Variants in GNAQ observed in about 807,000 individuals in gnomAD.
GNAQ encodes the protein guanine nucleotide-binding protein G(q) subunit alpha.
A neutral mutation model predicts 43.9 loss-of-function variants in GNAQ; 8 were observed. That is an observed-to-expected ratio of 0.18 (90% CI 0.11 to 0.33). The LOEUF (loss-of-function observed/expected upper bound fraction) is 0.33, where lower values mean the gene tolerates loss of function less well. GNAQ is among the 10% of genes least tolerant of loss of function. The probability of loss-of-function intolerance (pLI) is 1.00; values close to 1 mark genes in which losing one functional copy is unlikely to be tolerated. For synonymous variants in GNAQ, 155 were observed against 170.7 expected (o/e 0.91, Z 0.71); for missense variants, 158 against 450.8 (o/e 0.35, Z 5.88).
chr9:77,831,567 C>T (rs1285460543), intron 2 of GNAQ, among the ~76,000 whole-genome samples: 1 of 152,200 alleles, frequency 6.6e-6, no homozygotes, highest in African/African-American at 2.4e-5. Flanking sequence ...AACTACTAGA[C>T]AGCATTCTGA....
chr9:77,879,183 T>C (rs1216347003), intron 2 of GNAQ, among the ~76,000 whole-genome samples: 1 of 152,234 alleles, frequency 6.6e-6, no homozygotes, highest in Non-Finnish European at 1.5e-5. Flanking sequence ...GTTTTAATTG[T>C]AATTTTTTAA....
intron 2 of GNAQ, among the ~76,000 whole-genome samples, chr9:77,909,643 T>C (rs1222218343): frequency 6.6e-6 from 1 of 151,996 alleles, no homozygotes; most frequent in Non-Finnish European, 1.5e-5. Flanking sequence ...ATGCCAGTCC[T>C]TTCAGTTACA....
At chr9:77,830,726 A>G (rs1346672342) in intron 2 of GNAQ, among the ~76,000 whole-genome samples, 2 of 152,314 alleles carry the variant, frequency 1.3e-5, no homozygotes, top group South Asian at 2.1e-4. Context: ...TGAGTGTGAA[A>G]GCAACTGCTA....
At chr9:77,862,421 C>T (rs549183731) in intron 2 of GNAQ, among the ~76,000 whole-genome samples, 21 of 152,186 alleles carry the variant, frequency 1.4e-4, no homozygotes, top group South Asian at 8.3e-4. Flanking sequence ...TTCTTGACTT[C>T]TGTGCACATG....
chr9:77,928,613 A>G (rs538509284), intron 1 of GNAQ, among the ~76,000 whole-genome samples: 12 of 152,226 alleles, frequency 7.9e-5, no homozygotes, highest in Non-Finnish European at 1.6e-4. Context: ...TCAAAGGTAC[A>G]AGAGCATTTT....
At chr9:77,881,885 C>T (rs185355809) in intron 2 of GNAQ, among the ~76,000 whole-genome samples, 4 of 152,288 alleles carry the variant, frequency 2.6e-5, no homozygotes, top group Non-Finnish European at 2.9e-5. Flanking sequence ...CGCCTATAAT[C>T]CCAGTACTTT....
rs182614419 is a variant in GNAQ, at chr9:77,771,529, C to T, written c.735+22934G>A. ...TTAAGTATCACGTGCTCTGTGAGCA[C>T]AGGCGAAGACAAGGATGTCTGCAGC... On this transcript the variant is annotated intron_variant, in intron 5 of 6. Transcript: ENST00000286548. 8.8e-3 allele frequency among the ~76,000 whole-genome samples: 1,338 copies of T among 152,320 alleles called. 15 individuals carry two copies. Among genetic ancestry groups the T allele is most frequent in the Non-Finnish European group, 0.014 (946 of 68,026 alleles).
chr9:77,807,364 G>C (rs771912489), intron 3 of GNAQ, among the ~76,000 whole-genome samples: 22 of 152,122 alleles, frequency 1.4e-4, no homozygotes, highest in Non-Finnish European at 3.2e-4. Flanking sequence ...TGCTTCAATT[G>C]ATTGCTAAAT....
At chr9:78,000,928 A>G (rs1823635951) in intron 1 of GNAQ, among the ~76,000 whole-genome samples, 2 of 152,238 alleles carry the variant, frequency 1.3e-5, no homozygotes, top group African/African-American at 4.8e-5. Flanking sequence ...ACCAATCACA[A>G]TAAACACAAG....
chr9:77,933,675 C>T (rs1018483438), intron 1 of GNAQ, among the ~76,000 whole-genome samples: 1 of 151,290 alleles, frequency 6.6e-6, no homozygotes, highest in Non-Finnish European at 1.5e-5. Context: ...TACATGCACA[C>T]TTCTTTTAGA....
chr9:77,840,897 G>A (rs1827480387), intron 2 of GNAQ, among the ~76,000 whole-genome samples: 1 of 152,062 alleles, frequency 6.6e-6, no homozygotes, highest in Non-Finnish European at 1.5e-5. Context: ...GAGAGCACTG[G>A]AGAGAGATGA....
chr9:77,844,197 C>G (rs1331893105), intron 2 of GNAQ, among the ~76,000 whole-genome samples: 1 of 152,072 alleles, frequency 6.6e-6, no homozygotes, highest in Non-Finnish European at 1.5e-5. Flanking sequence ...TCCCTTTAAG[C>G]CTTCATCTAG....
Position 77,854,158 on chromosome 9 carries a change from G to C in GNAQ, c.322-38388C>G, listed in dbSNP as rs1039838504. The stretch of plus-strand genomic sequence containing the variant: ...AGTACATAATATAGAGGACTATGAA[G>C]TTTGCTTCTAGAAAAGTACTCTTTT... On this transcript the variant is annotated intron_variant, in intron 2 of 6. Transcript: ENST00000286548. Among the ~76,000 whole-genome samples, 51 of 152,084 alleles carry C rather than the reference G, an allele frequency of 3.4e-4. 1 individual carries two copies. The highest frequency in any genetic ancestry group is 8.8e-5 in the Non-Finnish European group (6 of 68,006).
At chr9:77,789,833 A>G (rs926510602) in intron 5 of GNAQ, among the ~76,000 whole-genome samples, 8 of 152,182 alleles carry the variant, frequency 5.3e-5, no homozygotes, top group Non-Finnish European at 1.2e-4. Context: ...CTGCTTCCCT[A>G]TACCCGGATC....
chr9:77,728,750 C>T (rs1260336323), intron 5 of GNAQ, 83 bp from the exon 6 acceptor site: 1 of 977,402 alleles, frequency 1.0e-6, no homozygotes, highest in African/African-American at 1.6e-5. Flanking sequence ...TTTTATAAGT[C>T]CAACCCATCT....
At chr9:77,919,076 C>G (rs896181986) in intron 2 of GNAQ, among the ~76,000 whole-genome samples, 1 of 152,178 alleles carries the variant, frequency 6.6e-6, no homozygotes, top group South Asian at 2.1e-4. Flanking sequence ...TGTGCCACCA[C>G]GCCTGGCTAA....
intron 2 of GNAQ, among the ~76,000 whole-genome samples, chr9:77,830,631 G>A (rs980804840): frequency 6.6e-6 from 1 of 152,082 alleles, no homozygotes; most frequent in Admixed American, 6.6e-5. Context: ...TCATCACAAG[G>A]GGCTGAAGTG....
Position 77,778,189 on chromosome 9 carries a change from TTA to T in GNAQ, c.735+16272_735+16273del, listed in dbSNP as rs532258115. Among the ~76,000 whole-genome samples the T allele has an allele frequency of 2.1e-4, 32 of 149,548 alleles. No individual in the cohort carries two copies. In the East Asian group the frequency reaches 4.5e-3, roughly 21 times the overall value. ...AGCAAGTGTTCAATTATGTATGTTT[TTA>T]TATATACATAGTTTTACACGTTTAC... On this transcript the variant is annotated intron_variant, in intron 5 of 6. Coordinates refer to ENST00000286548, the MANE Select transcript of GNAQ (RefSeq NM_002072.5).
At chr9:77,977,393 G>A (rs1564168409) in intron 1 of GNAQ, among the ~76,000 whole-genome samples, 1 of 152,126 alleles carries the variant, frequency 6.6e-6, no homozygotes, top group East Asian at 1.9e-4. Flanking sequence ...CCCACATGGA[G>A]GCGCCATGAA....
Sources: gnomAD v4.1 joint callset for allele counts (sites outside exome capture counted in the v4.1 genomes callset) on GRCh38, gnomAD v4.1.1 for gene constraint, MANE v1.5 for transcripts, NCBI Gene and HGNC (gene_info 2026-07-23, HGNC 2026-07-21) for gene names.